PSD3: variants seen among roughly 807,000 people sequenced by gnomAD.
The protein encoded by PSD3 is pleckstrin and Sec7 domain containing 3.
In PSD3, 49 loss-of-function variants were observed where a neutral mutation model predicts 105.5. That is an observed-to-expected ratio of 0.46 (90% CI 0.37 to 0.59). The LOEUF (loss-of-function observed/expected upper bound fraction) is 0.59, where lower values mean the gene tolerates loss of function less well. Among genes scored for constraint, PSD3 ranks in the 20% least tolerant of loss-of-function variants. The pLI is 0.00. For missense variants in PSD3, 1,561 were observed against 1,263.8 expected (o/e 1.24, Z -3.57); for synonymous variants, 557 against 457.8 (o/e 1.22, Z -2.77).
chr8:19,064,892 A>T (rs1488961217), intron 1 of PSD3, among the ~76,000 whole-genome samples: 1 of 152,230 alleles, frequency 6.6e-6, no homozygotes, highest in Non-Finnish European at 1.5e-5. Flanking sequence ...ATTGTATTAA[A>T]TAAACTTCAT....
At chr8:18,722,067 T>C (rs1803014156) in intron 9 of PSD3, among the ~76,000 whole-genome samples, 4 of 151,922 alleles carry the variant, frequency 2.6e-5, no homozygotes, top group Admixed American at 1.3e-4. Context: ...TGAGCCTTGT[T>C]TTTAACAGTA....
At chr8:18,629,887 G>T (rs768708443) in intron 11 of PSD3, among the ~76,000 whole-genome samples, 3 of 151,886 alleles carry the variant, frequency 2.0e-5, no homozygotes, top group Non-Finnish European at 4.4e-5. Context: ...ATTCTGGATT[G>T]TAAGGCTGAA....
At chr8:18,973,654 G>A (rs1020898678) in intron 1 of PSD3, among the ~76,000 whole-genome samples, 11 of 152,144 alleles carry the variant, frequency 7.2e-5, no homozygotes, top group African/African-American at 2.4e-4. Flanking sequence ...ATACAAGTCA[G>A]TTCATAACAG....
At chr8:18,774,704 G>C in intron 8 of PSD3, 1 of 360,320 alleles carries the variant, frequency 2.8e-6, no homozygotes, top group Non-Finnish European at 5.5e-6. Context: ...TGCCCTTGTA[G>C]AACTTCCTGA....
chr8:18,708,659 T>A (rs1312256262), intron 9 of PSD3, among the ~76,000 whole-genome samples: 2 of 151,812 alleles, frequency 1.3e-5, no homozygotes, highest in Admixed American at 1.3e-4. Flanking sequence ...CTACTGCATT[T>A]TAATAAAAGA....
chr8:19,068,834 T>G (rs574848524), intron 1 of PSD3, among the ~76,000 whole-genome samples: 1 of 152,168 alleles, frequency 6.6e-6, no homozygotes, highest in Non-Finnish European at 1.5e-5. Flanking sequence ...CCATCTGCAG[T>G]TGGGCTGGCT....
At chr8:18,585,582 T>C (rs183851832) in intron 12 of PSD3, among the ~76,000 whole-genome samples, 2 of 152,250 alleles carry the variant, frequency 1.3e-5, no homozygotes, top group African/African-American at 4.8e-5. Flanking sequence ...CCTCCCAAAG[T>C]GCTGGGATTA....
intron 9 of PSD3, among the ~76,000 whole-genome samples, chr8:18,738,744 T>C (rs1348816598): frequency 6.6e-6 from 1 of 152,158 alleles, no homozygotes; most frequent in African/African-American, 2.4e-5. Context: ...AAGGGCAGAC[T>C]ATAGCTTGAA....
chr8:18,885,692 T>C (rs1818408005), intron 2 of PSD3, among the ~76,000 whole-genome samples: 1 of 152,116 alleles, frequency 6.6e-6, no homozygotes, highest in African/African-American at 2.4e-5. Context: ...AGACCCACAG[T>C]TTCACTAAGG....
rs552179033 is a variant in PSD3, at chr8:18,750,994, C to T, written c.2172+14455G>A. On this transcript the variant is annotated intron_variant, in intron 9 of 15. Transcript: ENST00000327040. Reference sequence around the variant, plus strand: ...AGCTGGCTTCACCCAGTGGATCCCGCACCGGGGCTGCAGGTGGAGCTGCCT... The same window carrying T: ...AGCTGGCTTCACCCAGTGGATCCCGTACCGGGGCTGCAGGTGGAGCTGCCT... 7.4e-4 allele frequency among the ~76,000 whole-genome samples: 113 copies of T among 152,302 alleles called. 1 individual carries two copies. The highest frequency in any genetic ancestry group is 2.5e-3 in the South Asian group (12 of 4,824).
intron 2 of PSD3, among the ~76,000 whole-genome samples, chr8:18,926,213 C>T (rs1821352291): frequency 6.6e-6 from 1 of 151,802 alleles, no homozygotes; most frequent in Admixed American, 6.6e-5. Context: ...AGGGTGATGC[C>T]ACACAACCAC....
Position 18,841,308 on chromosome 8 carries a change from G to A in PSD3, c.1634+26366C>T, listed in dbSNP as rs984262700. On this transcript the variant is annotated intron_variant, in intron 4 of 15. Coordinates refer to ENST00000327040, the MANE Select transcript of PSD3 (RefSeq NM_015310.4). ...CTGTTGTGTATTCTCAGCGAGGGCA[G>A]CCCACTAAAACACAGCACCTTGGGA... is the stretch of plus-strand genomic sequence containing the variant. 1.2e-4 allele frequency among the ~76,000 whole-genome samples: 18 copies of A among 152,318 alleles called. No homozygotes were observed. In the East Asian group the frequency reaches 3.3e-3, roughly 28 times the overall value.
intron 2 of PSD3, among the ~76,000 whole-genome samples, chr8:18,885,668 T>C (rs959237851): frequency 2.6e-5 from 4 of 152,178 alleles, no homozygotes; most frequent in African/African-American, 7.2e-5. Flanking sequence ...CCAGTAGTTT[T>C]CATGCTCAAT....
At chr8:18,919,596 C>T (rs1305849184) in intron 2 of PSD3, among the ~76,000 whole-genome samples, 1 of 151,812 alleles carries the variant, frequency 6.6e-6, no homozygotes, top group African/African-American at 2.4e-5. Flanking sequence ...AGGACTGGGG[C>T]GGCCAGGATC....
intron 11 of PSD3, among the ~76,000 whole-genome samples, chr8:18,618,741 T>C (rs1275879937): frequency 2.0e-5 from 3 of 152,016 alleles, no homozygotes; most frequent in African/African-American, 4.8e-5. Flanking sequence ...AGTGCAGTGG[T>C]GTAATCATGG....
intron 15 of PSD3, among the ~76,000 whole-genome samples, chr8:18,552,775 T>C (rs1800846934): frequency 1.3e-5 from 2 of 152,222 alleles, no homozygotes; most frequent in African/African-American, 4.8e-5. Context: ...AAGCCTCTTT[T>C]AGAAGTAAGA....
Position 19,047,621 on chromosome 8 carries a change from C to G in PSD3, c.324+36585G>C, listed in dbSNP as rs74715160. ...TCCTTTACAACTACACCATCAAGCC[C>G]CAGGGTCAGGGACCAGGTTTCTCTG... On this transcript the variant is annotated intron_variant, in intron 1 of 1. Transcript: ENST00000521475. Among the ~76,000 whole-genome samples, 403 of 152,196 alleles carry G rather than the reference C, an allele frequency of 2.6e-3. 8 individuals are homozygous for G. The highest frequency in any genetic ancestry group is 0.02 in the Admixed American group (310 of 15,288).
chr8:18,639,597 C>T (rs896035816), intron 10 of PSD3, among the ~76,000 whole-genome samples: 2 of 152,142 alleles, frequency 1.3e-5, no homozygotes, highest in Non-Finnish European at 2.9e-5. Flanking sequence ...CACAGACACA[C>T]ACATACAGAA....
chr8:18,822,597 A>G (rs1404346058), intron 4 of PSD3, among the ~76,000 whole-genome samples: 1 of 152,218 alleles, frequency 6.6e-6, no homozygotes, highest in African/African-American at 2.4e-5. Context: ...CTCCCTAGCG[A>G]CAGTCTCTGC....
Sources: gnomAD v4.1 joint callset for allele counts (sites outside exome capture counted in the v4.1 genomes callset) on GRCh38, gnomAD v4.1.1 for gene constraint, MANE v1.5 for transcripts, NCBI Gene and HGNC (gene_info 2026-07-23, HGNC 2026-07-21) for gene names.